FOXP2: variants seen among roughly 807,000 people sequenced by gnomAD.
The protein encoded by FOXP2 is forkhead box protein P2.
A neutral mutation model predicts 115.8 loss-of-function variants in FOXP2; 12 were observed. The ratio of observed to expected loss-of-function variants is 0.10; its 90% CI spans 0.07 to 0.17. The LOEUF is 0.17. Among genes scored for constraint, FOXP2 ranks in the 10% least tolerant of loss-of-function variants. The pLI, the probability that FOXP2 is intolerant of heterozygous loss-of-function variation, is 1.00. For synonymous variants in FOXP2, 328 were observed against 297.7 expected, an observed-to-expected ratio of 1.10 and a Z score of -1.05; for missense variants, 629 against 843.5, an observed-to-expected ratio of 0.75 and a Z score of 3.15.
chr7:114,617,161 C>T (rs1009349883), intron 3 of FOXP2, among the ~76,000 whole-genome samples: 4 of 152,124 alleles, frequency 2.6e-5, no homozygotes, highest in African/African-American at 9.7e-5. Context: ...TTCTACAGGA[C>T]CCTTAAATTT....
chr7:114,338,781 CAT>C (rs1554372182), intron 2 of FOXP2, among the ~76,000 whole-genome samples: 2 of 147,534 alleles, frequency 1.4e-5, no homozygotes, highest in African/African-American at 5.0e-5. Context: ...CACACACACA[CAT>C]CTACATACAT....
chr7:114,164,562 G>A (rs1792927081), intron 1 of FOXP2, among the ~76,000 whole-genome samples: 2 of 151,772 alleles, frequency 1.3e-5, no homozygotes, highest in South Asian at 4.2e-4. Flanking sequence ...GCCTGGTCTC[G>A]ATTTCTTGAC....
chr7:114,677,180 A>AAAAC (rs1807822913), intron 16 of FOXP2, among the ~76,000 whole-genome samples: 2 of 147,938 alleles, frequency 1.4e-5, no homozygotes. Flanking sequence ...AACAAAAAAA[A>AAAAC]AAAAAACAAA....
At chr7:114,255,031 G>C (rs1159763667) in intron 1 of FOXP2, among the ~76,000 whole-genome samples, 2 of 152,172 alleles carry the variant, frequency 1.3e-5, no homozygotes, top group Non-Finnish European at 2.9e-5. Context: ...TCAGCTGCAG[G>C]TCTGTCGGAG....
chr7:114,472,439 A>G (rs573757159), intron 2 of FOXP2, among the ~76,000 whole-genome samples: 3 of 147,982 alleles, frequency 2.0e-5, no homozygotes, highest in African/African-American at 2.5e-5. Flanking sequence ...TCTGCCTTCC[A>G]GGTTTAAGTG....
chr7:114,094,266 T>C (rs1799599488), intron 1 of FOXP2, among the ~76,000 whole-genome samples: 1 of 152,196 alleles, frequency 6.6e-6, no homozygotes, highest in African/African-American at 2.4e-5. Flanking sequence ...TTGCTCAAAT[T>C]GCTTTTGAAT....
chr7:114,257,421 T>G (rs927703138), intron 1 of FOXP2, among the ~76,000 whole-genome samples: 3 of 151,824 alleles, frequency 2.0e-5, no homozygotes, highest in Non-Finnish European at 4.4e-5. Flanking sequence ...AAGAAGGCTT[T>G]TGTATGAAAG....
chr7:114,514,118 C>CAT (rs993394633), intron 2 of FOXP2, among the ~76,000 whole-genome samples: 1 of 144,518 alleles, frequency 6.9e-6, no homozygotes, highest in African/African-American at 2.6e-5. Context: ...CACACACACA[C>CAT]GCCATAAATA....
chr7:114,217,490 G>A (rs1794515333), intron 1 of FOXP2, among the ~76,000 whole-genome samples: 3 of 152,150 alleles, frequency 2.0e-5, no homozygotes, highest in Admixed American at 2.0e-4. Context: ...ATTTGGTCAT[G>A]AGACACTTTT....
At chr7:114,099,824 G>A (rs910469530) in intron 1 of FOXP2, among the ~76,000 whole-genome samples, 6 of 152,100 alleles carry the variant, frequency 3.9e-5, no homozygotes, top group Non-Finnish European at 4.4e-5. Flanking sequence ...TCACAGATAC[G>A]TAGGATGAAT....
rs373569064 is a variant in FOXP2 at position 114,443,845 on chromosome 7, C to T, written c.168+17166C>T. The stretch of plus-strand genomic sequence containing the variant: ...TGTTGATGGGCATTTAGGTTGATTC[C>T]ATGTCTTTGCTATTCTGAATGGTGC... On this transcript the variant is annotated intron_variant, in intron 2 of 16. Transcript: ENST00000350908. Among the ~76,000 whole-genome samples the T allele has an allele frequency of 2.6e-5, 4 of 152,168 alleles. 1 individual carries two copies. In the East Asian group the frequency reaches 5.8e-4, roughly 22 times the overall value.
At chr7:114,232,269 T>A (rs768947913) in intron 1 of FOXP2, among the ~76,000 whole-genome samples, 2 of 152,134 alleles carry the variant, frequency 1.3e-5, no homozygotes, top group Middle Eastern at 3.2e-3. Context: ...TTGGTGGGAA[T>A]GTAAAATGAT....
At chr7:114,593,325 T>C (rs61387800) in intron 3 of FOXP2, among the ~76,000 whole-genome samples, 12,657 of 151,976 alleles carry the variant, frequency 0.083, 598 homozygotes, top group Middle Eastern at 0.16. Flanking sequence ...GGAGTCTGTG[T>C]GTGTATAAAT....
intron 1 of FOXP2, among the ~76,000 whole-genome samples, chr7:114,165,500 A>G (rs1248389270): frequency 6.6e-6 from 1 of 152,230 alleles, no homozygotes; most frequent in Non-Finnish European, 1.5e-5. Flanking sequence ...GGGGTTTTAA[A>G]TTAATAATAC....
At chr7:114,337,374 A>G (rs756930198) in intron 2 of FOXP2, among the ~76,000 whole-genome samples, 12 of 151,252 alleles carry the variant, frequency 7.9e-5, no homozygotes, top group Non-Finnish European at 1.6e-4. Context: ...GACACGTTTT[A>G]TTGTTCTCAA....
intron 3 of FOXP2, among the ~76,000 whole-genome samples, chr7:114,554,251 G>A (rs1457852289): frequency 6.6e-6 from 1 of 152,068 alleles, no homozygotes; most frequent in African/African-American, 2.4e-5. Context: ...TTTCAGATTA[G>A]TGTGATATGA....
At chr7:114,394,539 G>A (rs879316122) in intron 2 of FOXP2, among the ~76,000 whole-genome samples, 1 of 151,932 alleles carries the variant, frequency 6.6e-6, no homozygotes, top group Non-Finnish European at 1.5e-5. Flanking sequence ...GAGAAAAAAA[G>A]TAACTGCAGT....
chr7:114,218,663 G>C (rs182683420), intron 1 of FOXP2, among the ~76,000 whole-genome samples: 1 of 152,266 alleles, frequency 6.6e-6, no homozygotes, highest in African/African-American at 2.4e-5. Context: ...AATAATCTAA[G>C]TTAAGGAAAG....
In FOXP2 at chr7:114,535,852, A is replaced by G. The variant is rs553081664; in HGVS notation, c.258+1146A>G. Among the ~76,000 whole-genome samples, 3 of 151,768 alleles carry G rather than the reference A, an allele frequency of 2.0e-5. No homozygotes were observed. The South Asian group carries it at 6.2e-4, about 31-fold the overall frequency. ...GTACAGATGTCTGCCATGACTGGAA[A>G]TGAAAGTTTTATTTAATCACCCTGA... On this transcript the variant is annotated intron_variant, in intron 3 of 16. Coordinates refer to ENST00000350908, the MANE Select transcript of FOXP2 (RefSeq NM_014491.4).
Sources: gnomAD v4.1 joint callset for allele counts (sites outside exome capture counted in the v4.1 genomes callset) on GRCh38, gnomAD v4.1.1 for gene constraint, MANE v1.5 for transcripts, NCBI Gene and HGNC (gene_info 2026-07-23, HGNC 2026-07-21) for gene names.